EML3: variants seen among roughly 807,000 people sequenced by gnomAD.
The protein encoded by EML3 is EMAP like 3.
In EML3, 53 loss-of-function variants were observed where a neutral mutation model predicts 106.7. That is an observed-to-expected ratio of 0.50 (90% CI 0.40 to 0.62). The LOEUF (loss-of-function observed/expected upper bound fraction) is 0.62. EML3 is among the 20% of genes least tolerant of loss of function. The probability of loss-of-function intolerance (pLI) is 0.00; values close to 1 mark genes in which losing one functional copy is unlikely to be tolerated. For synonymous variants in EML3, 499 were observed against 489.6 expected, an observed-to-expected ratio of 1.02 and a Z score of -0.25; for missense variants, 994 against 1,209.1, an observed-to-expected ratio of 0.82 and a Z score of 2.64.
chr11:62,612,653 A>AC lies in EML3; in HGVS notation c.-197dup, dbSNP rs562595212. The AC allele has an allele frequency of 0.013, 5,409 of 427,450 alleles. 112 individuals carry two copies. Among genetic ancestry groups the AC allele is most frequent in the African/African-American group, 0.054 (2,535 of 46,930 alleles). The allele number at this position is 427,450 out of a possible 1,614,324, so 26.5% of individuals were successfully genotyped here. A position where few individuals can be genotyped will look rare whatever the true frequency, so the allele number is the denominator to read the frequency against. On this transcript the variant is annotated 5_prime_UTR_variant, in exon 1 of 22. Coordinates refer to ENST00000394773, the MANE Select transcript of EML3 (RefSeq NM_153265.3). ...GTGGGCCCGGGGCCGCAGTCTCCAG[A>AC]CCCCCCCGGGCCCTCGGACTCTCCC...
Position 62,610,917 on chromosome 11 carries a change from G to C in EML3, c.528C>G (p.Ser176=). ...CGGACCGCACTAACAGGTTGGCGGA[G>C]GAGATTGCCTTCCTGGAGAGCTTCT... The part of the protein sequence containing the change: ...PRQKLSRKAI[S]SANLLVRSGS... The change falls in exon 4 of 22, where the codon TCC becomes TCG. Residue 176 remains serine, a synonymous_variant. Transcript: ENST00000394773. The C allele has an allele frequency of 8.7e-6, 14 of 1,613,160 alleles. No homozygotes were observed. Among genetic ancestry groups the C allele is most frequent in the Non-Finnish European group, 1.1e-5 (13 of 1,179,720 alleles).
At chr11:62,610,083 C>CA in intron 4 of EML3, among the ~76,000 whole-genome samples, 1 of 152,296 alleles carries the variant, frequency 6.6e-6, no homozygotes, top group African/African-American at 2.4e-5. Context: ...TTAGCCTCCC[C>CA]AGTAGCTGGG....
chr11:62,602,304 A>G lies in EML3; in HGVS notation c.*171T>C, dbSNP rs1942248304. On this transcript the variant is annotated 3_prime_UTR_variant, in exon 22 of 22. Transcript: ENST00000394773. The stretch of plus-strand genomic sequence containing the variant: ...GCTGCCCGGCTCAGCCAGCGGGTCT[A>G]AACAGTGTGTGCAGGGGCGCCGTTC... 6.4e-7 allele frequency: 1 copy of G among 1,550,776 alleles called. No individual in the cohort carries two copies. Among genetic ancestry groups the G allele is most frequent in the Admixed American group, 2.0e-5 (1 of 50,992 alleles).
rs955844098 is a variant in EML3 at position 62,612,441 on chromosome 11, C to A, written c.17G>T (p.Gly6Val). MDGAA[G>V]PGDGPAREAL... The stretch of plus-strand genomic sequence containing the variant: ...CCGCCCCGCCCCGTACTCACCGGGC[C>A]CCGCGGCCCCGTCCATCCGGCCCCC... Residue 6 changes from glycine to valine, a missense_variant, in exon 1 of 22, where the codon GGG becomes GTG. By Grantham distance (109) the Gly-to-Val change is moderately radical. This residue lies in a region of EML3 where 12 missense variants were observed against 23.5 expected (regional missense o/e 0.51). Transcript: ENST00000394773. 6 of 1,468,778 alleles carry A rather than the reference C, an allele frequency of 4.1e-6. No individual in the cohort carries two copies. In the African/African-American group the frequency reaches 7.4e-5, roughly 18 times the overall value. 91.0% of individuals were successfully genotyped at this position (1,468,778 alleles called of 1,614,324 possible).
chr11:62,603,278 C>G (rs1054080608), intron 19 of EML3, 31 bp from the exon 20 acceptor site: 4 of 1,598,840 alleles, frequency 2.5e-6, no homozygotes, highest in Admixed American at 3.3e-5. Flanking sequence ...CAGCTCAGCT[C>G]TCACCCTGCC....
chr11:62,612,509 C>CG lies in EML3; in HGVS notation c.-53dup. On this transcript the variant is annotated 5_prime_UTR_variant, in exon 1 of 22. Transcript: ENST00000394773. ...GGCGGCGGAGGAGGCGTCTAAGCCG[C>CG]GGGGGCCACGGCCGGGGAGAGGGGA... The CG allele has an allele frequency of 7.4e-7, 1 of 1,354,592 alleles. No individual in the cohort carries two copies. Among genetic ancestry groups the CG allele is most frequent in the Non-Finnish European group, 9.4e-7 (1 of 1,060,090 alleles). 83.9% of individuals were successfully genotyped at this position (1,354,592 alleles called of 1,614,324 possible).
chr11:62,611,564 G>A lies in EML3; in HGVS notation c.55C>T (p.Leu19=), dbSNP rs1422865942. 1.9e-6 allele frequency: 3 copies of A among 1,613,742 alleles called. No homozygotes were observed. Among genetic ancestry groups the A allele is most frequent in the Admixed American group, 1.7e-5 (1 of 60,014 alleles). ...DGPAREALQS[L]SQRLRVQEQE... ...TCCTGCACCCGAAGCCGCTGGCTCAGAGACTGGAGGGCCTCCCGAGCAGGG... is the reference window on the plus strand; with the variant it reads ...TCCTGCACCCGAAGCCGCTGGCTCAAAGACTGGAGGGCCTCCCGAGCAGGG... The change falls in exon 2 of 22, where the codon CTG becomes TTG. Residue 19 remains leucine (L), a synonymous_variant. Coordinates refer to ENST00000394773, the MANE Select transcript of EML3 (RefSeq NM_153265.3).
intron 19 of EML3, among the ~76,000 whole-genome samples, chr11:62,603,528 C>A (rs866440980): frequency 6.6e-6 from 1 of 152,178 alleles, no homozygotes; most frequent in Non-Finnish European, 1.5e-5. Context: ...CTTTTCTTAG[C>A]GCATTTTTGA....
intron 4 of EML3, among the ~76,000 whole-genome samples, 177 bp downstream of exon 4, chr11:62,610,702 G>A (rs1240099285): frequency 1.3e-5 from 2 of 152,188 alleles, no homozygotes; most frequent in African/African-American, 2.4e-5. Flanking sequence ...TGAGATGGAG[G>A]AGGTCGAGGG....
In EML3 at chr11:62,603,212, G is replaced by C; in HGVS notation, c.2293C>G (p.Arg765Gly). The change falls in exon 20 of 22, where the codon CGC becomes GGC. Residue 765 changes from arginine (R) to glycine (G), a missense_variant. Physicochemically the swap from Arg to Gly is moderately radical, Grantham distance 125. Around this residue, in one of 3 missense-constraint regions of EML3, gnomAD observed 713 missense variants for 920.5 expected, o/e 0.77. Transcript: ENST00000394773. ...CATTCCCGGTCTCGGCTCTCATAGC[G>C]ATTCTTCAGCTGCTTGCAGCCTCCA... is the stretch of plus-strand genomic sequence containing the variant. ...VAGGCKQLKNRYESRDREWAT... is the reference protein window; with the variant it reads ...VAGGCKQLKNGYESRDREWAT... 6.2e-7 allele frequency: 1 copy of C among 1,613,936 alleles called. No individual in the cohort carries two copies. Among genetic ancestry groups the C allele is most frequent in the Non-Finnish European group, 8.5e-7 (1 of 1,180,020 alleles).
chr11:62,610,020 C>T (rs548892988), intron 4 of EML3, among the ~76,000 whole-genome samples: 2 of 152,280 alleles, frequency 1.3e-5, no homozygotes, highest in South Asian at 2.1e-4. Context: ...TGCAGTGGTG[C>T]GACCTCAGCT....
At chr11:62,608,444 G>C (rs1942641312) in intron 9 of EML3, 98 bp downstream of exon 9, 1 of 1,390,866 alleles carries the variant, frequency 7.2e-7, no homozygotes, top group Non-Finnish European at 1.0e-6. Context: ...AGCTGGGTGG[G>C]GTTCAGGAAG....
rs528666122 is a variant in EML3 at position 62,612,548 on chromosome 11, C to G, written c.-91G>C. 13,371 of 1,262,580 alleles carry G rather than the reference C, an allele frequency of 0.011. 92 individuals carry two copies. Among genetic ancestry groups the G allele is most frequent in the Non-Finnish European group, 0.012 (12,045 of 989,556 alleles). The allele number at this position is 1,262,580 out of a possible 1,614,324, so 78.2% of individuals were successfully genotyped here. Reference sequence around the variant, plus strand: ...GGGGAGAGGGGAAGGGGAAGCACCCCGGGGCGCGCGCGAAGGGCGCCGTAC... The same window carrying G: ...GGGGAGAGGGGAAGGGGAAGCACCCGGGGGCGCGCGCGAAGGGCGCCGTAC... On this transcript the variant is annotated 5_prime_UTR_variant, in exon 1 of 22. Transcript: ENST00000394773.
chr11:62,605,289 G>T lies in EML3; in HGVS notation c.1915-109C>A. ...AGCCACTTACTCCCAAGGAGAAGAT[G>T]GGAAGAGAGGGAAGGGATACCCGGG... On this transcript the variant is annotated intron_variant, in intron 15 of 21. Transcript: ENST00000394773. The surrounding 1 kb of genome is among the most constrained non-coding windows in gnomAD (Gnocchi z 5.2). 9.3e-7 allele frequency: 1 copy of T among 1,074,366 alleles called. No homozygotes were observed. The highest frequency in any genetic ancestry group is 2.7e-5 in the East Asian group (1 of 37,586). The allele number at this position is 1,074,366 out of a possible 1,614,324, so 66.6% of individuals were successfully genotyped here.
Position 62,609,444 on chromosome 11 carries a change from C to T in EML3, c.668G>A (p.Arg223His), listed in dbSNP as rs1488633045. 4.4e-6 allele frequency: 7 copies of T among 1,590,260 alleles called. No individual in the cohort carries two copies. The highest frequency in any genetic ancestry group is 1.8e-5 in the Admixed American group (1 of 55,788). The change falls in exon 6 of 22, where the codon CGC (arginine) becomes CAC (histidine). Residue 223 changes from arginine (R) to histidine (H), a missense_variant. Physicochemically the swap from Arg to His is conservative, Grantham distance 29. Transcript: ENST00000394773. Reference sequence around the variant, plus strand: ...AGACGGGATGTACATGGTAATGGGGCGCCCTCGAAGGAACATCTTCACTGA... The same window carrying T: ...AGACGGGATGTACATGGTAATGGGGTGCCCTCGAAGGAACATCTTCACTGA... ...GISVKMFLRG[R>H]PITMYIPSGI...
chr11:62,608,030 G>T, intron 10 of EML3, 171 bp downstream of exon 10: 2 of 813,052 alleles, frequency 2.5e-6, no homozygotes, highest in Non-Finnish European at 4.0e-6. Context: ...GCCTCATGAG[G>T]TCAGAACCCA....
At chr11:62,606,858 A>C in intron 12 of EML3, 100 bp downstream of exon 12, 20 of 701,972 alleles carry the variant, frequency 2.8e-5, no homozygotes, top group Middle Eastern at 5.9e-4. Context: ...CCTCATCTCA[A>C]AAAAAAAAAA....
intron 12 of EML3, chr11:62,606,505 G>T (rs1942526969): frequency 2.0e-6 from 1 of 500,380 alleles, no homozygotes; most frequent in Non-Finnish European, 3.6e-6. Flanking sequence ...CCTTTGCTGT[G>T]CTGCCCACAC....
chr11:62,605,575 G>A lies in EML3; in HGVS notation c.1914+67C>T. ...GGGAGGCAGAAGGCAAGGTGCTGGG[G>A]AAGGCGTGGTGGCCACAGGTGTCCT... is the stretch of plus-strand genomic sequence containing the variant. On this transcript the variant is annotated intron_variant, in intron 15 of 21. Coordinates refer to ENST00000394773, the MANE Select transcript of EML3 (RefSeq NM_153265.3). This position sits in a 1 kb window ranked among gnomAD's most constrained non-coding sequence, Gnocchi z 5.2. 2.0e-6 allele frequency: 3 copies of A among 1,499,164 alleles called. No homozygotes were observed. The South Asian group carries it at 4.1e-5, about 21-fold the overall frequency. 92.9% of individuals were successfully genotyped at this position (1,499,164 alleles called of 1,614,324 possible). A position where few individuals can be genotyped will look rare whatever the true frequency, so the allele number is the denominator to read the frequency against.
Sources: allele counts gnomAD v4.1 joint callset (sites outside exome capture counted in the v4.1 genomes callset), GRCh38; gene constraint gnomAD v4.1.1; regional missense constraint gnomAD v4.1.1; non-coding constraint Gnocchi (gnomAD v3.1); transcripts MANE v1.5; gene names NCBI Gene and HGNC (gene_info 2026-07-23, HGNC 2026-07-21).